Variants in ANKIB1 observed in about 807,000 individuals in gnomAD.
ANKIB1 encodes ankyrin repeat and IBR domain-containing protein 1.
In ANKIB1, 43 loss-of-function variants were observed where a neutral mutation model predicts 122.1. That is an observed-to-expected ratio of 0.35 (90% CI 0.28 to 0.45). The LOEUF (loss-of-function observed/expected upper bound fraction) is 0.45, where lower values mean the gene tolerates loss of function less well. Among genes scored for constraint, ANKIB1 ranks in the 20% least tolerant of loss-of-function variants. ANKIB1 has a pLI of 1.00. For synonymous variants in ANKIB1, 390 were observed against 442.0 expected, an observed-to-expected ratio of 0.88 and a Z score of 1.48; for missense variants, 992 against 1,329.5, an observed-to-expected ratio of 0.75 and a Z score of 3.95.
At chr7:92,290,397 G>T (rs1048304882) in intron 1 of ANKIB1, among the ~76,000 whole-genome samples, 5 of 151,644 alleles carry the variant, frequency 3.3e-5, no homozygotes, top group African/African-American at 9.7e-5. Flanking sequence ...GTGTGTGTGT[G>T]TGTGTGTATT....
chr7:92,307,166 A>G (rs1802578268), intron 2 of ANKIB1, among the ~76,000 whole-genome samples, 193 bp from the exon 3 acceptor site: 1 of 151,820 alleles, frequency 6.6e-6, no homozygotes, highest in African/African-American at 2.4e-5. Context: ...TTTTCTTAGT[A>G]TTGTTATTCT....
chr7:92,291,366 A>G (rs570862735), intron 1 of ANKIB1, among the ~76,000 whole-genome samples: 1 of 152,096 alleles, frequency 6.6e-6, no homozygotes, highest in Non-Finnish European at 1.5e-5. Context: ...TGGATACCCC[A>G]TTTACCCTGG....
intron 4 of ANKIB1, among the ~76,000 whole-genome samples, chr7:92,324,670 A>G (rs1802986968): frequency 6.6e-6 from 1 of 152,238 alleles, no homozygotes; most frequent in Non-Finnish European, 1.5e-5. Flanking sequence ...ATATTAAGTC[A>G]TATGTTTAAC....
At chr7:92,344,929 C>T in intron 6 of ANKIB1, 49 bp from the exon 7 acceptor site, 1 of 1,459,624 alleles carries the variant, frequency 6.9e-7, no homozygotes, top group South Asian at 1.2e-5. Flanking sequence ...GTATTGTTCT[C>T]TTTCAGAAGT....
intron 5 of ANKIB1, among the ~76,000 whole-genome samples, chr7:92,339,029 A>C (rs1803373491): frequency 8.0e-6 from 1 of 125,456 alleles, no homozygotes; most frequent in African/African-American, 3.0e-5. Flanking sequence ...ATTAATTTCT[A>C]CTTGAATTTT....
intron 4 of ANKIB1, among the ~76,000 whole-genome samples, chr7:92,321,247 A>T (rs187353262): frequency 6.6e-6 from 1 of 152,142 alleles, no homozygotes; most frequent in Non-Finnish European, 1.5e-5. Context: ...TAACTCACCT[A>T]TCATTTTTTA....
chr7:92,281,221 C>T (rs962418546), intron 1 of ANKIB1, among the ~76,000 whole-genome samples: 5 of 152,154 alleles, frequency 3.3e-5, no homozygotes, highest in South Asian at 2.1e-4. Flanking sequence ...CTTAGAGACT[C>T]GGTGTCCAAG....
At chr7:92,361,614 A>G (rs771157409) in intron 9 of ANKIB1, among the ~76,000 whole-genome samples, 10 of 152,186 alleles carry the variant, frequency 6.6e-5, no homozygotes, top group Non-Finnish European at 1.5e-4. Flanking sequence ...TTGCAAATCT[A>G]AGTTATAAAT....
chr7:92,248,170 C>T (rs534512350), intron 1 of ANKIB1, among the ~76,000 whole-genome samples: 2 of 152,074 alleles, frequency 1.3e-5, no homozygotes, highest in African/African-American at 4.8e-5. Context: ...GTTGTTGATT[C>T]TCTTTTCCTT....
intron 11 of ANKIB1, among the ~76,000 whole-genome samples, chr7:92,374,875 C>G (rs1398369902): frequency 7.0e-6 from 1 of 143,758 alleles, no homozygotes; most frequent in East Asian, 2.3e-4. Flanking sequence ...CTAACATAAT[C>G]AAGAAAAAAA....
At chr7:92,387,614 A>C (rs11771536) in intron 12 of ANKIB1, among the ~76,000 whole-genome samples, 184 bp from the exon 13 acceptor site, 22,512 of 151,452 alleles carry the variant, frequency 0.15, 2,082 homozygotes, top group East Asian at 0.38. Flanking sequence ...CCAGCCTGGG[A>C]GACACAGCGA....
At chr7:92,272,409 G>A (rs1041174265) in intron 1 of ANKIB1, among the ~76,000 whole-genome samples, 10 of 152,196 alleles carry the variant, frequency 6.6e-5, no homozygotes, top group Non-Finnish European at 5.9e-5. Context: ...TGTCGAAGGA[G>A]AGAGTAGAAG....
chr7:92,353,580 G>A (rs531113373), intron 9 of ANKIB1, among the ~76,000 whole-genome samples: 1 of 152,274 alleles, frequency 6.6e-6, no homozygotes, highest in Non-Finnish European at 1.5e-5. Context: ...CAGAAACTAA[G>A]TGTATCACTG....
In ANKIB1 at chr7:92,387,839, T is replaced by G. The variant is rs1804693517; in HGVS notation, c.1794T>G (p.Phe598Leu). ...AACGATTTCAGGAACTTGACAGATTTATGCACTATTATACAAGATTTAAAA... is the reference window on the plus strand; with the variant it reads ...AACGATTTCAGGAACTTGACAGATTGATGCACTATTATACAAGATTTAAAA... Reference protein sequence around the residue: ...KHKRFQELDRFMHYYTRFKNH... With the variant: ...KHKRFQELDRLMHYYTRFKNH... The change falls in exon 13 of 20, where the codon TTT (phenylalanine) becomes TTG (leucine). Residue 598 changes from phenylalanine (F) to leucine (L), a missense_variant. Phe to Leu is a conservative substitution (Grantham distance 22). This residue lies in a region of ANKIB1 where 521 missense variants were observed against 777.7 expected (regional missense o/e 0.67). Coordinates refer to ENST00000265742, the MANE Select transcript of ANKIB1 (RefSeq NM_019004.2). The G allele has an allele frequency of 6.2e-7, 1 of 1,611,980 alleles. No homozygotes were observed. The highest frequency in any genetic ancestry group is 8.5e-7 in the Non-Finnish European group (1 of 1,179,366).
At chr7:92,349,548 T>A (rs1803614198) in intron 7 of ANKIB1, among the ~76,000 whole-genome samples, 1 of 152,170 alleles carries the variant, frequency 6.6e-6, no homozygotes, top group African/African-American at 2.4e-5. Flanking sequence ...AGCAGTTAGA[T>A]TTAATTGCCT....
intron 2 of ANKIB1, among the ~76,000 whole-genome samples, chr7:92,303,354 T>G (rs1475125772): frequency 2.6e-5 from 4 of 152,186 alleles, no homozygotes; most frequent in Non-Finnish European, 5.9e-5. Flanking sequence ...CATTTCAGAT[T>G]TTGGAGCATT....
intron 4 of ANKIB1, among the ~76,000 whole-genome samples, chr7:92,324,514 G>A (rs1269554248): frequency 9.9e-5 from 15 of 152,160 alleles, no homozygotes; most frequent in African/African-American, 3.1e-4. Context: ...GATTACAGGC[G>A]TGAGCCACCA....
intron 17 of ANKIB1, among the ~76,000 whole-genome samples, chr7:92,394,795 C>G (rs1804851986): frequency 6.6e-6 from 1 of 152,132 alleles, no homozygotes; most frequent in Admixed American, 6.5e-5. Context: ...AGTATAAACC[C>G]TCAGGGCACT....
At position 92,392,699 on chromosome 7, in the gene ANKIB1, A is replaced by G. The variant is rs186149235; in HGVS notation, c.2283+407A>G. On this transcript the variant is annotated intron_variant, in intron 17 of 19. Transcript: ENST00000265742. ...TGCAACAACCTGAGGGAACTGATTT[A>G]TAATCAGTTGCTAAGGTGGAAAACT... Among the ~76,000 whole-genome samples, 456 of 152,216 alleles carry G rather than the reference A, an allele frequency of 3.0e-3. 1 individual carries two copies. Among genetic ancestry groups the G allele is most frequent in the African/African-American group, 0.01 (432 of 41,572 alleles).
Sources: gnomAD v4.1 joint callset for allele counts (sites outside exome capture counted in the v4.1 genomes callset) on GRCh38, gnomAD v4.1.1 for gene constraint, gnomAD v4.1.1 regional missense constraint, MANE v1.5 for transcripts, NCBI Gene and HGNC (gene_info 2026-07-23, HGNC 2026-07-21) for gene names.